ZBTB46: variants seen among roughly 807,000 people sequenced by gnomAD.
The protein encoded by ZBTB46 is zinc finger and BTB domain containing 46.
ZBTB46 carries 8 observed loss-of-function variants against 44.1 expected under a neutral mutation model. The ratio of observed to expected loss-of-function variants is 0.18; its 90% confidence interval spans 0.11 to 0.33. The LOEUF (loss-of-function observed/expected upper bound fraction) is 0.33, where lower values mean the gene tolerates loss of function less well. ZBTB46 is among the 10% of genes least tolerant of loss of function. The pLI is 1.00. For synonymous variants in ZBTB46, 409 were observed against 382.3 expected (o/e 1.07, Z -0.81); for missense variants, 651 against 847.7 (o/e 0.77, Z 2.88).
intron 1 of ZBTB46, among the ~76,000 whole-genome samples, chr20:63,814,701 G>A (rs758700341): frequency 1.1e-4 from 16 of 152,276 alleles, no homozygotes; most frequent in Non-Finnish European, 2.2e-4. Context: ...TGTCCACATC[G>A]CACCATGGCC....
chr20:63,814,652 A>G (rs981011551), intron 1 of ZBTB46, among the ~76,000 whole-genome samples: 1 of 152,178 alleles, frequency 6.6e-6, no homozygotes, highest in African/African-American at 2.4e-5. Flanking sequence ...CCTGGGCCTC[A>G]GGAGTCTGAC....
intron 1 of ZBTB46, among the ~76,000 whole-genome samples, chr20:63,814,653 G>A (rs1257178722): frequency 6.6e-6 from 1 of 152,162 alleles, no homozygotes; most frequent in Non-Finnish European, 1.5e-5. Flanking sequence ...CTGGGCCTCA[G>A]GAGTCTGACT....
intron 1 of ZBTB46, among the ~76,000 whole-genome samples, chr20:63,827,628 C>CAAAAAAAAAAAAAAAAAAAA (rs1176700985): frequency 1.5e-5 from 2 of 129,866 alleles, no homozygotes; most frequent in Non-Finnish European, 1.6e-5. Context: ...AAAAAAAAAA[C>CAAAAAAAAAAAAAAAAAAAA]AAAAAAAAAA....
chr20:63,775,950 G>C lies in ZBTB46; in HGVS notation c.950C>G (p.Ser317Cys). 23 of 1,570,776 alleles carry C rather than the reference G, an allele frequency of 1.5e-5. No individual in the cohort carries two copies. Among genetic ancestry groups the C allele is most frequent in the Non-Finnish European group, 2.0e-5 (23 of 1,162,374 alleles). The change falls in exon 3 of 5, where the codon TCC (serine) becomes TGC (cysteine). Residue 317 changes from serine (S) to cysteine (C), a missense_variant. Physicochemically the swap from Ser to Cys is moderately radical, Grantham distance 112. Coordinates refer to ENST00000245663, the MANE Select transcript of ZBTB46 (RefSeq NM_001369741.1). ...GTCGGAGCTGCTGGCTTCGGTGACGGACAGGTCCGCATCTGGGGACAGAGG... is the reference window on the plus strand; with the variant it reads ...GTCGGAGCTGCTGGCTTCGGTGACGCACAGGTCCGCATCTGGGGACAGAGG... ...FSSRDSNADL[S>C]VTEASSSDSR...
At chr20:63,818,740 C>T (rs1183944365) in intron 1 of ZBTB46, among the ~76,000 whole-genome samples, 1 of 151,504 alleles carries the variant, frequency 6.6e-6, no homozygotes, top group Non-Finnish European at 1.5e-5. Flanking sequence ...CACCTGTAAT[C>T]CCAGCTACTG....
chr20:63,775,638 A>G (rs2092418668), intron 3 of ZBTB46, 40 bp downstream of exon 3: 1 of 1,519,918 alleles, frequency 6.6e-7, no homozygotes. Flanking sequence ...AGCCTTCAAA[A>G]CCACACCAAA....
In ZBTB46 at chr20:63,803,305, G is replaced by A. The variant is rs150928581; in HGVS notation, c.-33-12515C>T. 1.7e-5 allele frequency: 17 copies of A among 984,922 alleles called. No homozygotes were observed. Among genetic ancestry groups the A allele is most frequent in the African/African-American group, 3.5e-5 (2 of 57,352 alleles). 61.0% of individuals were successfully genotyped at this position (984,922 alleles called of 1,614,324 possible). ...AAGACATGAATACTGTGAAACTGTC[G>A]TACAAATTAAATTTCATATACATCA... is the stretch of plus-strand genomic sequence containing the variant. On this transcript the variant is annotated intron_variant, in intron 1 of 4. Transcript: ENST00000245663. This position sits in a 1 kb window ranked among gnomAD's most constrained non-coding sequence, Gnocchi z 4.0.
At chr20:63,828,284 C>A (rs924281663) in intron 1 of ZBTB46, among the ~76,000 whole-genome samples, 1 of 152,284 alleles carries the variant, frequency 6.6e-6, no homozygotes, top group East Asian at 1.9e-4. Context: ...GACCCCAGCA[C>A]TCCGCACAAG....
chr20:63,799,676 C>T (rs1371919916), intron 1 of ZBTB46, among the ~76,000 whole-genome samples: 2 of 152,164 alleles, frequency 1.3e-5, no homozygotes, highest in African/African-American at 4.8e-5. Flanking sequence ...AGCAGGAAAA[C>T]GTTTTGAACA....
chr20:63,769,812 G>C (rs746613228), intron 3 of ZBTB46, among the ~76,000 whole-genome samples: 1 of 152,162 alleles, frequency 6.6e-6, no homozygotes, highest in South Asian at 2.1e-4. Context: ...TAAAGTTCTC[G>C]ATTCATCCTT....
At chr20:63,749,108 G>A (rs929165147) in intron 4 of ZBTB46, among the ~76,000 whole-genome samples, 2 of 152,230 alleles carry the variant, frequency 1.3e-5, no homozygotes, top group Non-Finnish European at 2.9e-5. Context: ...GAACCATAAA[G>A]ACCTCACTTC....
chr20:63,781,083 G>A (rs928051718), intron 2 of ZBTB46, among the ~76,000 whole-genome samples: 1 of 137,996 alleles, frequency 7.2e-6, no homozygotes, highest in Non-Finnish European at 1.5e-5. Flanking sequence ...AGAGTTTGCA[G>A]TGAGCCAAGA....
At chr20:63,779,719 GC>G in intron 2 of ZBTB46, among the ~76,000 whole-genome samples, 1 of 151,226 alleles carries the variant, frequency 6.6e-6, no homozygotes, top group East Asian at 2.0e-4. Context: ...ACCGCGCCCG[GC>G]CGCTAATTTT....
chr20:63,824,659 T>G (rs995202671), intron 1 of ZBTB46, among the ~76,000 whole-genome samples: 3 of 144,686 alleles, frequency 2.1e-5, no homozygotes, highest in African/African-American at 7.8e-5. Flanking sequence ...AGAGGTGATG[T>G]TTCCATCACT....
At chr20:63,815,349 A>G (rs182778437) in intron 1 of ZBTB46, among the ~76,000 whole-genome samples, 427 of 103,226 alleles carry the variant, frequency 4.1e-3, no homozygotes, top group Non-Finnish European at 6.7e-3. Flanking sequence ...TAGGTGCAGT[A>G]GGTGCAGGTG....
chr20:63,756,897 A>G (rs1229101962), intron 3 of ZBTB46, among the ~76,000 whole-genome samples: 1 of 152,222 alleles, frequency 6.6e-6, no homozygotes, highest in Non-Finnish European at 1.5e-5. Flanking sequence ...CATCCTGTAG[A>G]TACCAGTTTG....
At chr20:63,791,190 T>G (rs1179253186) in intron 1 of ZBTB46, among the ~76,000 whole-genome samples, 2 of 152,012 alleles carry the variant, frequency 1.3e-5, no homozygotes, top group East Asian at 1.9e-4. Flanking sequence ...GAAACATTCT[T>G]AAGGAAAAAG....
intron 2 of ZBTB46, among the ~76,000 whole-genome samples, chr20:63,786,298 T>G (rs888747335): frequency 1.3e-5 from 2 of 152,118 alleles, no homozygotes; most frequent in African/African-American, 4.8e-5. Context: ...CAGCAGCACA[T>G]AGAGAAACGA....
At chr20:63,761,659 G>A (rs2092278711) in intron 3 of ZBTB46, among the ~76,000 whole-genome samples, 1 of 151,700 alleles carries the variant, frequency 6.6e-6, no homozygotes, top group Non-Finnish European at 1.5e-5. Flanking sequence ...GCCGGTGCCT[G>A]TAATCCCAGC....
Sources: allele counts gnomAD v4.1 joint callset (sites outside exome capture counted in the v4.1 genomes callset), GRCh38; gene constraint gnomAD v4.1.1; non-coding constraint Gnocchi (gnomAD v3.1); transcripts MANE v1.5; gene names NCBI Gene and HGNC (gene_info 2026-07-23, HGNC 2026-07-21).